OLAH: variants seen among roughly 807,000 people sequenced by gnomAD.
The protein encoded by OLAH is oleoyl-ACP hydrolase, also known as S-acyl fatty acid synthase thioesterase, medium chain.
In OLAH, 33 loss-of-function variants were observed where a neutral mutation model predicts 27.8. That is an observed-to-expected ratio of 1.19 (90% CI 0.90 to 1.59). The LOEUF (loss-of-function observed/expected upper bound fraction) is 1.59. Among genes scored for constraint, OLAH ranks in the 40% most tolerant of loss-of-function variants. The pLI, the probability that OLAH is intolerant of heterozygous loss-of-function variation, is 0.00. For synonymous variants in OLAH, 120 were observed against 102.9 expected (o/e 1.17, Z -1.01); for missense variants, 359 against 310.8 (o/e 1.16, Z -1.17).
At chr10:15,044,933 G>T (rs1190741907) in intron 1 of OLAH, among the ~76,000 whole-genome samples, 1 of 152,074 alleles carries the variant, frequency 6.6e-6, no homozygotes, top group African/African-American at 2.4e-5. Flanking sequence ...TGCTGGGCAT[G>T]TTTTATCTTT....
Position 15,049,736 on chromosome 10 carries a change from G to A in OLAH, c.134G>A (p.Trp45Ter), listed in dbSNP as rs777502655. Residue 45 changes from tryptophan to a stop codon, truncating the protein, a stop_gained, in exon 3 of 8, where the codon TGG (tryptophan) becomes TAG (stop). Transcript: ENST00000378228. LOFTEE classifies it high-confidence loss of function. ...MGGGSTHFAK[W>*]GQDTHDLLEV... ...GGTGGCTCCACTCATTTTGCCAAATGGGGCCAAGATACTCATGATTTGCTG... is the reference window on the plus strand; with the variant it reads ...GGTGGCTCCACTCATTTTGCCAAATAGGGCCAAGATACTCATGATTTGCTG... The A allele has an allele frequency of 6.2e-7, 1 of 1,609,026 alleles. No homozygotes were observed. The highest frequency in any genetic ancestry group is 1.7e-5 in the Admixed American group (1 of 58,280).
chr10:15,047,430 C>G, intron 2 of OLAH, 110 bp downstream of exon 2: 1 of 1,088,740 alleles, frequency 9.2e-7, no homozygotes, highest in Non-Finnish European at 1.4e-6. Context: ...GCCAGGTGCT[C>G]ACACTTGTAA....
chr10:15,043,803 A>C (rs948844506), upstream of OLAH: 1 of 151,968 alleles, frequency 6.6e-6, no homozygotes, highest in African/African-American at 2.4e-5. Context: ...TTATTTTCCT[A>C]ATAGATGGTA....
chr10:15,070,457 C>A (rs1471357227), intron 6 of OLAH, among the ~76,000 whole-genome samples: 1 of 152,146 alleles, frequency 6.6e-6, no homozygotes, highest in Non-Finnish European at 1.5e-5. Flanking sequence ...GTTCTCTGAA[C>A]AATAGCCTTT....
chr10:15,071,935 ATT>A (rs945332098), intron 7 of OLAH, 58 bp downstream of exon 7: 6 of 1,142,626 alleles, frequency 5.3e-6, no homozygotes, highest in Non-Finnish European at 7.5e-6. Context: ...TGGCTTTAAA[ATT>A]TTTTTTTTTC....
At chr10:15,048,253 T>A (rs995216693) in intron 2 of OLAH, among the ~76,000 whole-genome samples, 1 of 152,208 alleles carries the variant, frequency 6.6e-6, no homozygotes, top group African/African-American at 2.4e-5. Flanking sequence ...AGTCTCACTC[T>A]GTCACCCAGG....
chr10:15,069,170 G>A (rs1844530132), intron 6 of OLAH, among the ~76,000 whole-genome samples: 1 of 152,078 alleles, frequency 6.6e-6, no homozygotes, highest in South Asian at 2.1e-4. Flanking sequence ...CTGTGAGTGG[G>A]GCTTTCTCAG....
intron 1 of OLAH, among the ~76,000 whole-genome samples, chr10:15,034,025 G>A (rs888071872): frequency 5.9e-5 from 9 of 152,124 alleles, no homozygotes; most frequent in African/African-American, 2.2e-4. Context: ...AATCAGCTCT[G>A]CCAGGTGGAA....
chr10:15,032,847 A>G (rs1843780588), intron 1 of OLAH, among the ~76,000 whole-genome samples: 1 of 151,038 alleles, frequency 6.6e-6, no homozygotes, highest in Admixed American at 6.6e-5. Flanking sequence ...AACTTCCTTA[A>G]TTCTGACACC....
chr10:15,047,442 C>A, intron 2 of OLAH, 122 bp downstream of exon 2: 2 of 985,132 alleles, frequency 2.0e-6, no homozygotes, highest in Non-Finnish European at 3.2e-6. Context: ...CACTTGTAAT[C>A]CCAGCACTTT....
chr10:15,067,182 GAGA>G (rs1161891895), intron 6 of OLAH, among the ~76,000 whole-genome samples: 1 of 152,146 alleles, frequency 6.6e-6, no homozygotes, highest in Non-Finnish European at 1.5e-5. Context: ...TGAAAAAACT[GAGA>G]AGTAATCCAA....
chr10:15,070,153 T>A (rs1844554702), intron 6 of OLAH, among the ~76,000 whole-genome samples: 1 of 152,060 alleles, frequency 6.6e-6, no homozygotes, highest in Non-Finnish European at 1.5e-5. Flanking sequence ...CTCTGTTTTT[T>A]TTTTTTTTCC....
rs375363497 is a variant in OLAH at position 15,071,362 on chromosome 10, C to T, written c.573-433C>T. 1.3e-4 allele frequency among the ~76,000 whole-genome samples: 20 copies of T among 152,340 alleles called. No individual in the cohort carries two copies. In the East Asian group the frequency reaches 3.3e-3, roughly 25 times the overall value. On this transcript the variant is annotated intron_variant, in intron 6 of 7. Transcript: ENST00000378228. ...GGCAGGGACTGTGTTTGTTTCTCCA[C>T]GTGCCCCTAGTGTCTAGTGCAGCAC...
At chr10:15,058,242 A>G (rs1330813994) in intron 3 of OLAH, among the ~76,000 whole-genome samples, 1 of 151,828 alleles carries the variant, frequency 6.6e-6, no homozygotes, top group Non-Finnish European at 1.5e-5. Context: ...ATGTGCCACC[A>G]TGCTTGGTTA....
At chr10:15,071,491 G>T (rs1291996049) in intron 6 of OLAH, 1 of 983,186 alleles carries the variant, frequency 1.0e-6, no homozygotes, top group Admixed American at 6.2e-5. Context: ...AGAGGTCTTC[G>T]TTTCTGATGA....
chr10:15,071,490 C>A (rs933955517), intron 6 of OLAH: 2 of 983,214 alleles, frequency 2.0e-6, no homozygotes, highest in Non-Finnish European at 2.4e-6. Flanking sequence ...AAGAGGTCTT[C>A]GTTTCTGATG....
chr10:15,034,567 A>C lies in OLAH; in HGVS notation c.-164+2217A>C, dbSNP rs78474555. Among the ~76,000 whole-genome samples the C allele has an allele frequency of 8.5e-3, 1,299 of 152,340 alleles. 24 individuals carry two copies. The highest frequency in any genetic ancestry group is 0.03 in the African/African-American group (1,243 of 41,586). On this transcript the variant is annotated intron_variant, in intron 1 of 3. Coordinates refer to the OLAH transcript ENST00000413672. ...ATCTGAGGCCTTCACAGCAGGACCC[A>C]CATGATGATGAGAGAAGACTGTCCC...
At chr10:15,046,657 G>C (rs567191634) in intron 1 of OLAH, among the ~76,000 whole-genome samples, 43 of 152,040 alleles carry the variant, frequency 2.8e-4, no homozygotes, top group African/African-American at 1.0e-3. Flanking sequence ...AGTAGAGATG[G>C]GGGTTTCACC....
intron 4 of OLAH, 177 bp downstream of exon 4, chr10:15,062,039 AT>A (rs976833831): frequency 1.0e-4 from 56 of 539,974 alleles, no homozygotes; most frequent in Admixed American, 3.0e-4. Context: ...AAGTATACCT[AT>A]TTTTTTTCCT....
Sources: gnomAD v4.1 joint callset for allele counts (sites outside exome capture counted in the v4.1 genomes callset) on GRCh38, gnomAD v4.1.1 for gene constraint, MANE v1.5 for transcripts, NCBI Gene and HGNC (gene_info 2026-07-23, HGNC 2026-07-21) for gene names.